SLC30A7: variants seen among roughly 807,000 people sequenced by gnomAD.
The protein encoded by SLC30A7 is solute carrier family 30 member 7.
In SLC30A7, 35 loss-of-function variants were observed where a neutral mutation model predicts 46.0. The ratio of observed to expected loss-of-function variants is 0.76; its 90% CI spans 0.58 to 1.01. The LOEUF is 1.01. Among genes scored for constraint, SLC30A7 ranks in the 50% least tolerant of loss-of-function variants. The pLI is 0.00. For synonymous variants in SLC30A7, 147 were observed against 157.8 expected (o/e 0.93, Z 0.51); for missense variants, 464 against 451.1 (o/e 1.03, Z -0.26).
chr1:100,939,157 C>G (rs1654176935), intron 8 of SLC30A7, among the ~76,000 whole-genome samples: 2 of 149,086 alleles, frequency 1.3e-5, no homozygotes, highest in African/African-American at 4.8e-5. Context: ...TCTGTTGCCT[C>G]TGCTATTTAA....
At position 100,980,279 on chromosome 1, in the gene SLC30A7, T is replaced by A. The variant is rs1276682195; in HGVS notation, c.*5422T>A. 6.6e-6 allele frequency: 1 copy of A among 152,096 alleles called. No individual in the cohort carries two copies. Among genetic ancestry groups the A allele is most frequent in the African/African-American group, 2.4e-5 (1 of 41,450 alleles). The allele number at this position is 152,096 out of a possible 1,614,324, so 9.4% of individuals were successfully genotyped here. A position where few individuals can be genotyped will look rare whatever the true frequency, so the allele number is the denominator to read the frequency against. On this transcript the variant is annotated 3_prime_UTR_variant, in exon 11 of 11. Transcript: ENST00000357650. ...GTAATTTTGCACTGCAGGAGAAGGA[T>A]AAGTAGATTTGATTTACATCACATT...
intron 2 of SLC30A7, among the ~76,000 whole-genome samples, 156 bp downstream of exon 2, chr1:100,896,827 TGGTA>T (rs1293507726): frequency 6.6e-6 from 1 of 152,186 alleles, no homozygotes; most frequent in Non-Finnish European, 1.5e-5. Context: ...CACACCAATC[TGGTA>T]GGGCTACAGT....
chr1:100,908,107 C>T (rs1354144935), intron 3 of SLC30A7, among the ~76,000 whole-genome samples: 1 of 151,938 alleles, frequency 6.6e-6, no homozygotes, highest in Non-Finnish European at 1.5e-5. Flanking sequence ...CCTGAGCTCT[C>T]CCTTTCCGGT....
rs1031408740 is a variant in SLC30A7, at chr1:100,981,545, A to G, written c.*6688A>G. ...AGTACAAGGCTAAGTTATAATGTCA[A>G]CTTTCAAAGACTATGTTGTGATTCG... On this transcript the variant is annotated 3_prime_UTR_variant, in exon 11 of 11. Coordinates refer to ENST00000357650, the MANE Select transcript of SLC30A7 (RefSeq NM_133496.5). The G allele has an allele frequency of 4.6e-5, 7 of 152,192 alleles. No homozygotes were observed. Among genetic ancestry groups the G allele is most frequent in the Non-Finnish European group, 8.8e-5 (6 of 68,028 alleles). The allele number at this position is 152,192 out of a possible 1,614,324, so 9.4% of individuals were successfully genotyped here.
At chr1:100,994,674 G>A in the SLC30A7 span, among the ~76,000 whole-genome samples, 5 of 151,854 alleles carry the variant, frequency 3.3e-5, no homozygotes, top group Admixed American at 6.6e-5. Flanking sequence ...TTAAAGGCAC[G>A]TGCCACCACA....
intron 8 of SLC30A7, among the ~76,000 whole-genome samples, chr1:100,959,657 C>T (rs916123459): frequency 6.6e-6 from 1 of 152,166 alleles, no homozygotes; most frequent in African/African-American, 2.4e-5. Flanking sequence ...TATGAGAGAG[C>T]AAGTGAAAGC....
intron 8 of SLC30A7, chr1:100,941,454 G>A: frequency 2.3e-6 from 1 of 439,586 alleles, no homozygotes; most frequent in Non-Finnish European, 4.4e-6. Flanking sequence ...TCACAATTGT[G>A]GCCATTCACA....
At chr1:100,946,907 G>A (rs971003901) in intron 8 of SLC30A7, among the ~76,000 whole-genome samples, 1 of 152,092 alleles carries the variant, frequency 6.6e-6, no homozygotes, top group East Asian at 1.9e-4. Context: ...CTGTGAATCT[G>A]TCTGGTCCTG....
Position 100,918,143 on chromosome 1 carries a change from T to G in SLC30A7, c.706+16T>G. 1 of 1,607,738 alleles carries G rather than the reference T, an allele frequency of 6.2e-7. No homozygotes were observed. ...ATTTTACAAGGTATGACAAGCAATT[T>G]TTATGTTTCTTAGTTTTTTGAAACT... On this transcript the variant is annotated intron_variant, in intron 7 of 10. Coordinates refer to ENST00000357650, the MANE Select transcript of SLC30A7 (RefSeq NM_133496.5).
rs1355781395 is a variant in SLC30A7, at chr1:100,976,149, G to A, written c.*1292G>A. The A allele has an allele frequency of 6.6e-6, 1 of 152,164 alleles. No individual in the cohort carries two copies. Among genetic ancestry groups the A allele is most frequent in the Non-Finnish European group, 1.5e-5 (1 of 68,006 alleles). 9.4% of individuals were successfully genotyped at this position (152,164 alleles called of 1,614,324 possible). A position where few individuals can be genotyped will look rare whatever the true frequency, so the allele number is the denominator to read the frequency against. On this transcript the variant is annotated 3_prime_UTR_variant, in exon 11 of 11. Coordinates refer to ENST00000357650, the MANE Select transcript of SLC30A7 (RefSeq NM_133496.5). ...ATTCCAAATTTCTGTAATAGCTACT[G>A]TATCTGTGATAAACTTTCCTATATC...
At chr1:100,931,710 A>G (rs1435299024) in intron 8 of SLC30A7, among the ~76,000 whole-genome samples, 3 of 152,206 alleles carry the variant, frequency 2.0e-5, no homozygotes, top group Non-Finnish European at 2.9e-5. Flanking sequence ...AAATACTACC[A>G]ATTTGTAAAT....
chr1:100,911,960 T>C (rs1652127595), intron 4 of SLC30A7, 152 bp from the exon 5 acceptor site: 1 of 640,274 alleles, frequency 1.6e-6, no homozygotes, highest in African/African-American at 1.8e-5. Context: ...ATGTGAGCTC[T>C]GGTTTTATTT....
At chr1:100,922,287 A>G (rs1328259373) in intron 8 of SLC30A7, among the ~76,000 whole-genome samples, 2 of 151,786 alleles carry the variant, frequency 1.3e-5, no homozygotes, top group African/African-American at 4.8e-5. Flanking sequence ...TCATTTTTAT[A>G]TGTTTTCTGT....
At chr1:100,921,605 C>T (rs1411999751) in intron 7 of SLC30A7, 101 bp from the exon 8 acceptor site, 2 of 834,962 alleles carry the variant, frequency 2.4e-6, no homozygotes, top group Non-Finnish European at 3.6e-6. Context: ...AAGTTGATAT[C>T]TAGTTTTTTA....
chr1:100,929,394 A>C (rs1415907072), intron 8 of SLC30A7, among the ~76,000 whole-genome samples: 3 of 152,156 alleles, frequency 2.0e-5, no homozygotes, highest in African/African-American at 7.2e-5. Context: ...TGTACACCTG[A>C]TAAAGAACTA....
At chr1:100,937,650 T>C (rs987368326) in intron 8 of SLC30A7, among the ~76,000 whole-genome samples, 1 of 152,184 alleles carries the variant, frequency 6.6e-6, no homozygotes, top group Non-Finnish European at 1.5e-5. Flanking sequence ...ACTTTGTCCA[T>C]TTTTAAATTG....
At chr1:100,935,023 G>C (rs934160641) in intron 8 of SLC30A7, among the ~76,000 whole-genome samples, 1 of 152,098 alleles carries the variant, frequency 6.6e-6, no homozygotes, top group African/African-American at 2.4e-5. Context: ...AAAAAATTCA[G>C]TGCCATGATT....
intron 7 of SLC30A7, among the ~76,000 whole-genome samples, chr1:100,921,117 A>G (rs1446441367): frequency 1.3e-5 from 2 of 152,098 alleles, no homozygotes; most frequent in African/African-American, 2.4e-5. Context: ...TGTATTTTAT[A>G]TTTATTTAAA....
At chr1:100,934,235 C>A (rs1653825288) in intron 8 of SLC30A7, among the ~76,000 whole-genome samples, 1 of 152,176 alleles carries the variant, frequency 6.6e-6, no homozygotes, top group Non-Finnish European at 1.5e-5. Flanking sequence ...ATAAGTACCA[C>A]TTCATGGAGT....
Sources: allele counts gnomAD v4.1 joint callset (sites outside exome capture counted in the v4.1 genomes callset), GRCh38; gene constraint gnomAD v4.1.1; transcripts MANE v1.5; gene names NCBI Gene and HGNC (gene_info 2026-07-23, HGNC 2026-07-21).